SLIT2: variants seen among roughly 807,000 people sequenced by gnomAD.
SLIT2 encodes slit homolog 2 protein.
In SLIT2, 41 loss-of-function variants were observed where a neutral mutation model predicts 185.7. The observed-to-expected ratio is 0.22, with a 90% CI of 0.17 to 0.29. The LOEUF (loss-of-function observed/expected upper bound fraction) is 0.29, where lower values mean the gene tolerates loss of function less well. Among genes scored for constraint, SLIT2 ranks in the 10% least tolerant of loss-of-function variants. The pLI is 1.00. For synonymous variants in SLIT2, 693 were observed against 680.2 expected, an observed-to-expected ratio of 1.02 and a Z score of -0.29; for missense variants, 1,571 against 1,909.0, an observed-to-expected ratio of 0.82 and a Z score of 3.30.
At chr4:20,297,023 A>G (rs1378485856) in intron 4 of SLIT2, among the ~76,000 whole-genome samples, 2 of 152,132 alleles carry the variant, frequency 1.3e-5, no homozygotes, top group Non-Finnish European at 2.9e-5. Flanking sequence ...TACAGTTAAT[A>G]TATCTTGATT....
intron 4 of SLIT2, among the ~76,000 whole-genome samples, chr4:20,423,493 T>C (rs2109472417): frequency 6.7e-6 from 1 of 150,230 alleles, no homozygotes; most frequent in East Asian, 1.9e-4. Context: ...AAGTTTAACA[T>C]GTTTACACAA....
At chr4:20,317,604 GAT>G (rs1340095740) in intron 4 of SLIT2, among the ~76,000 whole-genome samples, 2 of 151,984 alleles carry the variant, frequency 1.3e-5, no homozygotes, top group African/African-American at 4.8e-5. Flanking sequence ...TGTAAAATGG[GAT>G]TTAAGTACTG....
chr4:20,591,110 G>T (rs1727483165), intron 30 of SLIT2, among the ~76,000 whole-genome samples: 1 of 152,034 alleles, frequency 6.6e-6, no homozygotes. Context: ...ACAGCACATG[G>T]TAATAATACC....
At chr4:20,453,405 T>G (rs1185025683) in intron 4 of SLIT2, among the ~76,000 whole-genome samples, 1 of 152,214 alleles carries the variant, frequency 6.6e-6, no homozygotes, top group Non-Finnish European at 1.5e-5. Flanking sequence ...ACCTAAATTT[T>G]AATGCATCTC....
At chr4:20,503,317 TAAAC>T (rs1306182782) in intron 9 of SLIT2, among the ~76,000 whole-genome samples, 7 of 152,274 alleles carry the variant, frequency 4.6e-5, no homozygotes, top group East Asian at 3.9e-4. Flanking sequence ...ATAATACTGT[TAAAC>T]AAGTGATACG....
chr4:20,496,056 G>A (rs768696744), intron 9 of SLIT2, among the ~76,000 whole-genome samples: 4 of 152,026 alleles, frequency 2.6e-5, no homozygotes, highest in Admixed American at 1.3e-4. Flanking sequence ...TGCAAGTTAT[G>A]AGATATTTCA....
intron 4 of SLIT2, among the ~76,000 whole-genome samples, chr4:20,289,432 T>G (rs1160132704): frequency 6.6e-6 from 1 of 152,228 alleles, no homozygotes; most frequent in Non-Finnish European, 1.5e-5. Context: ...TGTCTTTATT[T>G]TATTTTGTCT....
chr4:20,549,199 T>C (rs148198425), intron 24 of SLIT2, 71 bp downstream of exon 24: 4 of 828,548 alleles, frequency 4.8e-6, no homozygotes, highest in East Asian at 2.5e-5. Flanking sequence ...TTTTTAAGGA[T>C]GTAACTGCTT....
At chr4:20,585,096 C>CT (rs1437376608) in intron 29 of SLIT2, among the ~76,000 whole-genome samples, 1 of 152,024 alleles carries the variant, frequency 6.6e-6, no homozygotes, top group East Asian at 1.9e-4. Flanking sequence ...AAAACAACCT[C>CT]TATGTCAAAA....
intron 4 of SLIT2, among the ~76,000 whole-genome samples, chr4:20,313,050 C>T (rs767103458): frequency 1.3e-5 from 2 of 151,978 alleles, no homozygotes; most frequent in African/African-American, 2.4e-5. Context: ...GCTTGTAAAC[C>T]GTATTAATTT....
chr4:20,424,020 A>G (rs1443778605), intron 4 of SLIT2, among the ~76,000 whole-genome samples: 2 of 152,128 alleles, frequency 1.3e-5, no homozygotes, highest in Non-Finnish European at 2.9e-5. Flanking sequence ...AAAAGGGAAT[A>G]TTTTAGATTG....
At chr4:20,590,604 G>A (rs746688130) in intron 30 of SLIT2, among the ~76,000 whole-genome samples, 1 of 152,106 alleles carries the variant, frequency 6.6e-6, no homozygotes, top group Non-Finnish European at 1.5e-5. Context: ...TTATAATCCC[G>A]CTAAGTGTAC....
At position 20,472,295 on chromosome 4, in the gene SLIT2, G is replaced by GATATATATCTATAT. The variant is rs1205039657; in HGVS notation, c.467+4479_467+4480insTCTATATATATATA. On this transcript the variant is annotated intron_variant, in intron 5 of 36. Transcript: ENST00000504154. ...ATATATCTATATATATAGATATATA[G>GATATATATCTATAT]ATATATAGATCTATATATAGATATA... Among the ~76,000 whole-genome samples the GATATATATCTATAT allele has an allele frequency of 4.3e-3, 112 of 25,762 alleles. 1 individual carries two copies. Among genetic ancestry groups the GATATATATCTATAT allele is most frequent in the Non-Finnish European group, 5.0e-3 (87 of 17,450 alleles). 16.9% of individuals were successfully genotyped at this position (25,762 alleles called of 152,430 possible).
At chr4:20,255,424 G>A (rs1711710615) in intron 1 of SLIT2, among the ~76,000 whole-genome samples, 1 of 152,200 alleles carries the variant, frequency 6.6e-6, no homozygotes, top group Non-Finnish European at 1.5e-5. Context: ...TCTACTAGGG[G>A]TGCCTTGTCA....
At chr4:20,465,581 A>G (rs1308801074) in intron 4 of SLIT2, among the ~76,000 whole-genome samples, 1 of 152,190 alleles carries the variant, frequency 6.6e-6, no homozygotes, top group African/African-American at 2.4e-5. Flanking sequence ...TTAAGAGAAT[A>G]AGGAGGCTCT....
chr4:20,259,770 A>G (rs974507869), intron 3 of SLIT2, among the ~76,000 whole-genome samples: 8 of 151,970 alleles, frequency 5.3e-5, no homozygotes, highest in Middle Eastern at 3.4e-3. Flanking sequence ...CAGATGTTTC[A>G]GAGTGGGAGG....
intron 4 of SLIT2, among the ~76,000 whole-genome samples, chr4:20,355,621 A>T (rs1342143299): frequency 6.6e-6 from 1 of 152,204 alleles, no homozygotes; most frequent in Non-Finnish European, 1.5e-5. Flanking sequence ...CACATATGAA[A>T]TGAAACCTTT....
intron 4 of SLIT2, among the ~76,000 whole-genome samples, chr4:20,461,115 G>A (rs1303855607): frequency 6.6e-6 from 1 of 152,192 alleles, no homozygotes; most frequent in Non-Finnish European, 1.5e-5. Context: ...TTAGCACTAG[G>A]CTCAGCTGAG....
chr4:20,385,592 T>G (rs933413202), intron 4 of SLIT2, among the ~76,000 whole-genome samples: 2 of 152,152 alleles, frequency 1.3e-5, no homozygotes, highest in Non-Finnish European at 2.9e-5. Flanking sequence ...CTCTGTTTAT[T>G]TCATCGGTGA....
Sources: gnomAD v4.1 joint callset for allele counts (sites outside exome capture counted in the v4.1 genomes callset) on GRCh38, gnomAD v4.1.1 for gene constraint, MANE v1.5 for transcripts, NCBI Gene and HGNC (gene_info 2026-07-23, HGNC 2026-07-21) for gene names.